The following PROX1 variants were observed in gnomAD, a reference collection of about 807,000 sequenced individuals.
The protein encoded by PROX1 is prospero homeobox 1.
In PROX1, 7 loss-of-function variants were observed where a neutral mutation model predicts 58.8. That is an observed-to-expected ratio of 0.12 (90% CI 0.07 to 0.22). The LOEUF (loss-of-function observed/expected upper bound fraction) is 0.22, where lower values mean the gene tolerates loss of function less well. PROX1 is among the 10% of genes least tolerant of loss of function. The probability of loss-of-function intolerance (pLI) is 1.00; values close to 1 mark genes in which losing one functional copy is unlikely to be tolerated. For missense variants in PROX1, 675 were observed against 927.8 expected (o/e 0.73, Z 3.54); for synonymous variants, 350 against 358.3 (o/e 0.98, Z 0.26).
chr1:214,012,257 C>A (rs1558179330), intron 4 of PROX1, among the ~76,000 whole-genome samples: 1 of 152,088 alleles, frequency 6.6e-6, no homozygotes, highest in South Asian at 2.1e-4. Context: ...CCATTGACAT[C>A]TTTTTTTGGG....
rs1243487678 is a variant in PROX1, at chr1:214,036,679, A to C, written c.*845A>C. On this transcript the variant is annotated 3_prime_UTR_variant, in exon 5 of 5. Transcript: ENST00000366958. ...TTGCTTCAGATACTAAAAGGCACTA[A>C]GTTTCCAATTTACGCTGCTCAACTT... 6.6e-6 allele frequency: 1 copy of C among 152,248 alleles called. No homozygotes were observed. Among genetic ancestry groups the C allele is most frequent in the Non-Finnish European group, 1.5e-5 (1 of 68,040 alleles). 9.4% of individuals were successfully genotyped at this position (152,248 alleles called of 1,614,324 possible). A position where few individuals can be genotyped will look rare whatever the true frequency, so the allele number is the denominator to read the frequency against.
chr1:214,012,923 GC>G (rs1034385221), intron 4 of PROX1, among the ~76,000 whole-genome samples: 6 of 152,052 alleles, frequency 3.9e-5, no homozygotes, highest in African/African-American at 1.4e-4. Context: ...CTTCCTGCTT[GC>G]CCCCCTCCTT....
Position 214,039,992 on chromosome 1 carries a change from A to G in PROX1, c.*4158A>G, listed in dbSNP as rs1431349790. The stretch of plus-strand genomic sequence containing the variant: ...GTGCAAAAATCTCTTTGCCATGTAT[A>G]TTATAGCGTATTCATTGGTGTGAAT... On this transcript the variant is annotated 3_prime_UTR_variant, in exon 5 of 5. Transcript: ENST00000366958. 1 of 152,250 alleles carries G rather than the reference A, an allele frequency of 6.6e-6. No individual in the cohort carries two copies. The highest frequency in any genetic ancestry group is 2.4e-5 in the African/African-American group (1 of 41,464). 9.4% of individuals were successfully genotyped at this position (152,250 alleles called of 1,614,324 possible).
chr1:214,011,667 G>A lies in PROX1; in HGVS notation c.1980G>A (p.Glu660=). 6.2e-7 allele frequency: 1 copy of A among 1,613,460 alleles called. No individual in the cohort carries two copies. Among genetic ancestry groups the A allele is most frequent in the Non-Finnish European group, 8.5e-7 (1 of 1,179,748 alleles). Residue 660 remains glutamate (E), a synonymous_variant, in exon 4 of 5, where the codon GAG becomes GAA. Coordinates refer to ENST00000366958, the MANE Select transcript of PROX1 (RefSeq NM_001270616.2). The part of the protein sequence containing the change: ...TEELSITRDC[E]LYRALNMHYN... ...AGCTGTCTATAACCAGAGACTGTGA[G>A]CTGTACAGGGCTCTGAACATGCACT...
At chr1:214,022,686 C>G (rs548647627) in intron 4 of PROX1, among the ~76,000 whole-genome samples, 15 of 152,124 alleles carry the variant, frequency 9.9e-5, no homozygotes, top group Non-Finnish European at 1.8e-4. Flanking sequence ...GCCATACCTG[C>G]CTCATTGTGG....
chr1:214,008,953 T>C (rs1231221836), intron 3 of PROX1, among the ~76,000 whole-genome samples: 1 of 152,154 alleles, frequency 6.6e-6, no homozygotes, highest in Non-Finnish European at 1.5e-5. Context: ...CAGGGATCGA[T>C]GGGCCGCACC....
chr1:214,039,285 T>C lies in PROX1; in HGVS notation c.*3451T>C, dbSNP rs1197339925. ...GTTTCACATTAAATGGTAAAACACA[T>C]GGAAGATGTTAGAATGTAGTAATTA... is the stretch of plus-strand genomic sequence containing the variant. On this transcript the variant is annotated 3_prime_UTR_variant, in exon 5 of 5. Transcript: ENST00000366958. 6.6e-6 allele frequency: 1 copy of C among 152,132 alleles called. No individual in the cohort carries two copies. Among genetic ancestry groups the C allele is most frequent in the African/African-American group, 2.4e-5 (1 of 41,422 alleles). The allele number at this position is 152,132 out of a possible 1,614,324, so 9.4% of individuals were successfully genotyped here. A position where few individuals can be genotyped will look rare whatever the true frequency, so the allele number is the denominator to read the frequency against.
At chr1:214,024,177 C>T (rs187435305) in intron 4 of PROX1, among the ~76,000 whole-genome samples, 1 of 152,314 alleles carries the variant, frequency 6.6e-6, no homozygotes, top group East Asian at 1.9e-4. Flanking sequence ...CGAGTTCATT[C>T]TGCAATCTGC....
chr1:214,010,634 G>T (rs1437824734), intron 3 of PROX1, among the ~76,000 whole-genome samples: 1 of 152,146 alleles, frequency 6.6e-6, no homozygotes, highest in African/African-American at 2.4e-5. Flanking sequence ...CGTGAGCAGA[G>T]GACTGTCAAT....
upstream of PROX1, chr1:213,987,785 C>T (rs1256063068): frequency 6.9e-6 from 1 of 145,920 alleles, no homozygotes; most frequent in Non-Finnish European, 1.5e-5. Context: ...CTTCCCAGCC[C>T]CTCACCCCCA....
chr1:214,004,563 G>C (rs1663638938), intron 2 of PROX1, among the ~76,000 whole-genome samples: 1 of 152,124 alleles, frequency 6.6e-6, no homozygotes, highest in Non-Finnish European at 1.5e-5. Flanking sequence ...CTCTTCCCAA[G>C]TTTTAGCTAT....
In PROX1 at chr1:213,988,031, A is replaced by C. The variant is rs536369268; in HGVS notation, c.-520A>C. On this transcript the variant is annotated 5_prime_UTR_variant, in exon 1 of 5. Transcript: ENST00000366958. ...GCAGCCGGGGAAAGCAGAGCGGCGC[A>C]AAAGAGCTCTCGCCGGGTCCGCCTG... 1.3e-5 allele frequency: 2 copies of C among 151,858 alleles called. No homozygotes were observed. The highest frequency in any genetic ancestry group is 4.0e-4 in the East Asian group (2 of 4,958). The allele number at this position is 151,858 out of a possible 1,614,324, so 9.4% of individuals were successfully genotyped here.
At chr1:213,984,717 A>C (rs1056346505), upstream of PROX1, 1 of 153,728 alleles carries the variant, frequency 6.5e-6, no homozygotes, top group African/African-American at 2.4e-5. Context: ...CAGGGTGCTG[A>C]TAGTGATGGT....
intron 2 of PROX1, 136 bp downstream of exon 2, chr1:213,998,396 A>G (rs1663367775): frequency 9.0e-7 from 1 of 1,116,382 alleles, no homozygotes; most frequent in Non-Finnish European, 1.2e-6. Flanking sequence ...TCAAAGGAAT[A>G]GGCTTTTATC....
chr1:213,999,692 A>G (rs1663422497), intron 2 of PROX1, among the ~76,000 whole-genome samples: 1 of 152,218 alleles, frequency 6.6e-6, no homozygotes, highest in South Asian at 2.1e-4. Flanking sequence ...ACATATACGT[A>G]GAAATGGAGT....
At chr1:214,000,989 G>C (rs4655478) in intron 2 of PROX1, among the ~76,000 whole-genome samples, 56 of 151,952 alleles carry the variant, frequency 3.7e-4, no homozygotes, top group Non-Finnish European at 6.3e-4. Flanking sequence ...GGGCAGAAAT[G>C]TAATGAAATG....
At chr1:214,012,306 C>T (rs998328982) in intron 4 of PROX1, among the ~76,000 whole-genome samples, 5 of 152,126 alleles carry the variant, frequency 3.3e-5, no homozygotes, top group Admixed American at 2.6e-4. Flanking sequence ...AGGAGAGACT[C>T]GTGTGTTTTG....
chr1:214,010,069 T>G (rs1406491744), intron 3 of PROX1, among the ~76,000 whole-genome samples: 1 of 152,154 alleles, frequency 6.6e-6, no homozygotes, highest in African/African-American at 2.4e-5. Flanking sequence ...ATGGGGGTCC[T>G]TCAGTTGTCT....
intron 4 of PROX1, among the ~76,000 whole-genome samples, chr1:214,013,138 GGTGTGTGTGTGTGT>G (rs67603307): frequency 3.4e-5 from 5 of 148,288 alleles, no homozygotes; most frequent in African/African-American, 1.2e-4. Context: ...AAGTTTGGGT[GGTGTGTGTGTGTGT>G]GTGTGTGTGT....
Sources: allele counts gnomAD v4.1 joint callset (sites outside exome capture counted in the v4.1 genomes callset), GRCh38; gene constraint gnomAD v4.1.1; transcripts MANE v1.5; gene names NCBI Gene and HGNC (gene_info 2026-07-23, HGNC 2026-07-21).